The following CTNNA2 variants were observed in gnomAD, a reference collection of about 807,000 sequenced individuals.
The protein encoded by CTNNA2 is catenin alpha-2.
Under a neutral mutation model 101.0 loss-of-function variants are expected in CTNNA2, and 42 were observed. That is an observed-to-expected ratio of 0.42 (90% CI 0.32 to 0.54). The LOEUF is 0.54. Among genes scored for constraint, CTNNA2 ranks in the 20% least tolerant of loss-of-function variants. The probability of loss-of-function intolerance (pLI) is 0.14; values close to 1 mark genes in which losing one functional copy is unlikely to be tolerated. For missense variants in CTNNA2, 871 were observed against 1,223.1 expected (o/e 0.71, Z 4.29); for synonymous variants, 450 against 456.4 (o/e 0.99, Z 0.18).
intron 2 of CTNNA2, among the ~76,000 whole-genome samples, chr2:79,669,854 C>T (rs945226787): frequency 2.0e-5 from 3 of 152,178 alleles, no homozygotes; most frequent in Admixed American, 1.3e-4. Flanking sequence ...GAAGTGCATG[C>T]CCATTGGTCC....
Position 79,626,050 on chromosome 2 carries a change from C to T in CTNNA2, c.-5-25502C>T, listed in dbSNP as rs77435442. On this transcript the variant is annotated intron_variant, in intron 1 of 18. Transcript: ENST00000402739. ...GGTGTGTGTTAGGAGGGACGTTTGA[C>T]CATTTTCTACTTCATCTATTTTGAT... 2.0e-4 allele frequency among the ~76,000 whole-genome samples: 30 copies of T among 152,238 alleles called. No homozygotes were observed. In the East Asian group the frequency reaches 5.8e-3, roughly 29 times the overall value.
At chr2:80,552,504 T>TA (rs1407700374) in intron 11 of CTNNA2, among the ~76,000 whole-genome samples, 6 of 152,176 alleles carry the variant, frequency 3.9e-5, no homozygotes, top group Admixed American at 3.9e-4. Context: ...CATTTTTTCA[T>TA]AAAAAGGGAC....
At chr2:80,252,374 G>A (rs1372031602) in intron 7 of CTNNA2, among the ~76,000 whole-genome samples, 1 of 152,128 alleles carries the variant, frequency 6.6e-6, no homozygotes, top group Non-Finnish European at 1.5e-5. Context: ...TCTGTTTAGT[G>A]GCACCATTTA....
chr2:79,431,163 C>T (rs1334480584), intron 4 of CTNNA2, among the ~76,000 whole-genome samples: 1 of 152,060 alleles, frequency 6.6e-6, no homozygotes, highest in Non-Finnish European at 1.5e-5. Context: ...GGTATACACT[C>T]CCTCCTGGTC....
At chr2:79,305,586 G>A (rs999460977) in intron 2 of CTNNA2, among the ~76,000 whole-genome samples, 14 of 151,762 alleles carry the variant, frequency 9.2e-5, no homozygotes, top group Non-Finnish European at 1.9e-4. Context: ...TGCTTACATA[G>A]ATATTATTTT....
chr2:79,643,331 T>A (rs1680584494), intron 1 of CTNNA2, among the ~76,000 whole-genome samples: 1 of 152,152 alleles, frequency 6.6e-6, no homozygotes, highest in Non-Finnish European at 1.5e-5. Flanking sequence ...ATATAACTAC[T>A]CCCCCACTGG....
At position 80,375,574 on chromosome 2, in the gene CTNNA2, T is replaced by C. The variant is rs569626957; in HGVS notation, c.1057-17637T>C. ...TGGTTTCTGGCTTCTTTTTTTTTTT[T>C]TTTTTTTTGAGATGGAGTCTCACTC... On this transcript the variant is annotated intron_variant, in intron 7 of 18. Transcript: ENST00000402739. 2.8e-5 allele frequency among the ~76,000 whole-genome samples: 4 copies of C among 144,662 alleles called. No individual in the cohort carries two copies. In the South Asian group the frequency reaches 9.1e-4, roughly 33 times the overall value. 94.9% of individuals were successfully genotyped at this position (144,662 alleles called of 152,430 possible).
At chr2:79,965,310 C>T (rs1689961584) in intron 7 of CTNNA2, among the ~76,000 whole-genome samples, 1 of 152,146 alleles carries the variant, frequency 6.6e-6, no homozygotes, top group Non-Finnish European at 1.5e-5. Context: ...TTTTAAAGCA[C>T]AGATCCCTTG....
At chr2:80,511,696 A>T (rs1199752782) in intron 9 of CTNNA2, among the ~76,000 whole-genome samples, 4 of 152,230 alleles carry the variant, frequency 2.6e-5, no homozygotes, top group Admixed American at 2.6e-4. Context: ...TAGAGAATAG[A>T]GTACTGTAAT....
At chr2:80,399,325 G>A (rs545746644) in intron 8 of CTNNA2, among the ~76,000 whole-genome samples, 4 of 152,184 alleles carry the variant, frequency 2.6e-5, no homozygotes, top group Non-Finnish European at 4.4e-5. Context: ...AGTTGGAAAC[G>A]GTTCTTGAAA....
intron 2 of CTNNA2, among the ~76,000 whole-genome samples, chr2:79,291,507 A>G (rs549878336): frequency 6.6e-6 from 1 of 152,260 alleles, no homozygotes; most frequent in African/African-American, 2.4e-5. Flanking sequence ...CCAGGCATCC[A>G]CTTCCCCTGT....
At chr2:79,412,310 C>A (rs1409954388) in intron 4 of CTNNA2, among the ~76,000 whole-genome samples, 1 of 151,926 alleles carries the variant, frequency 6.6e-6, no homozygotes, top group African/African-American at 2.4e-5. Context: ...ACTTTAACAC[C>A]CCACTGTCAA....
chr2:79,423,585 G>A (rs1025422597), intron 4 of CTNNA2, among the ~76,000 whole-genome samples: 2 of 152,048 alleles, frequency 1.3e-5, no homozygotes, highest in Non-Finnish European at 2.9e-5. Context: ...AAAATTGAAT[G>A]GTCTCTACCT....
At chr2:80,407,164 C>G (rs1679145514) in intron 8 of CTNNA2, among the ~76,000 whole-genome samples, 1 of 151,832 alleles carries the variant, frequency 6.6e-6, no homozygotes, top group South Asian at 2.1e-4. Context: ...CCTTTGCTTT[C>G]TAGCAGAGTA....
At chr2:79,656,066 A>G (rs934182684) in intron 2 of CTNNA2, among the ~76,000 whole-genome samples, 1 of 152,120 alleles carries the variant, frequency 6.6e-6, no homozygotes, top group Non-Finnish European at 1.5e-5. Flanking sequence ...TATATGCCTT[A>G]TATTTCCTCC....
At chr2:79,850,978 C>T (rs1680655529) in intron 3 of CTNNA2, among the ~76,000 whole-genome samples, 1 of 152,226 alleles carries the variant, frequency 6.6e-6, no homozygotes, top group African/African-American at 2.4e-5. Context: ...GCTGCTGGAA[C>T]CATCCCAGAA....
chr2:80,478,569 C>T (rs565998341), intron 9 of CTNNA2, among the ~76,000 whole-genome samples: 3 of 151,900 alleles, frequency 2.0e-5, no homozygotes, highest in Non-Finnish European at 2.9e-5. Flanking sequence ...TTTTTGTAAA[C>T]GGTGACAGAT....
At chr2:79,864,130 A>T (rs1017877269) in intron 4 of CTNNA2, among the ~76,000 whole-genome samples, 11 of 152,224 alleles carry the variant, frequency 7.2e-5, no homozygotes, top group African/African-American at 2.7e-4. Context: ...ATATTTTCAT[A>T]GTGTTAGCAG....
intron 17 of CTNNA2, among the ~76,000 whole-genome samples, chr2:80,611,341 AAAG>A (rs1446124957): frequency 6.6e-6 from 1 of 150,784 alleles, no homozygotes; most frequent in Non-Finnish European, 1.5e-5. Flanking sequence ...AAGAGGCATA[AAAG>A]AAGAAGGTAG....
Sources: allele counts gnomAD v4.1 joint callset (sites outside exome capture counted in the v4.1 genomes callset), GRCh38; gene constraint gnomAD v4.1.1; transcripts MANE v1.5; gene names NCBI Gene and HGNC (gene_info 2026-07-23, HGNC 2026-07-21).